The following MROH7 variants were observed in gnomAD, a reference collection of about 807,000 sequenced individuals.
MROH7 encodes the protein maestro heat-like repeat-containing protein family member 7.
MROH7 carries 113 observed loss-of-function variants against 129.2 expected under a neutral mutation model. The observed-to-expected ratio is 0.87, with a 90% confidence interval of 0.75 to 1.02. The LOEUF (loss-of-function observed/expected upper bound fraction) is 1.02, where lower values mean the gene tolerates loss of function less well. Among genes scored for constraint, MROH7 ranks in the 50% least tolerant of loss-of-function variants. The pLI is 0.00. For synonymous variants in MROH7, 655 were observed against 667.9 expected (o/e 0.98, Z 0.30); for missense variants, 1,601 against 1,671.3 (o/e 0.96, Z 0.73).
chr1:54,682,821 T>G lies in MROH7; in HGVS notation c.2520+27T>G, dbSNP rs1201922726. 5.6e-6 allele frequency: 9 copies of G among 1,603,000 alleles called. No individual in the cohort carries two copies. The African/African-American group carries it at 1.1e-4, about 19-fold the overall frequency. On this transcript the variant is annotated intron_variant, in intron 14 of 23. Coordinates refer to ENST00000421030, the MANE Select transcript of MROH7 (RefSeq NM_001039464.4). ...TGAGCACCCAGTCAGCCAGCCCCTA[T>G]TGCTGCCTGTCCTGCCCTTCCTCTC...
At chr1:54,674,420 A>G (rs1644950996) in intron 10 of MROH7, among the ~76,000 whole-genome samples, 1 of 152,180 alleles carries the variant, frequency 6.6e-6, no homozygotes, top group Non-Finnish European at 1.5e-5. Context: ...TCATTTTCAT[A>G]GTCCCTTAAT....
chr1:54,679,867 A>T lies in MROH7; in HGVS notation c.2227-24A>T, dbSNP rs918164402. 4 of 1,594,692 alleles carry T rather than the reference A, an allele frequency of 2.5e-6. No individual in the cohort carries two copies. In the African/African-American group the frequency reaches 4.0e-5, roughly 16 times the overall value. ...GCTTCCCTTGGCAGTCCCCTTGCTC[A>T]TGGCTGCCCCGGCTGTGCCCCAGAT... On this transcript the variant is annotated intron_variant, in intron 12 of 23. Coordinates refer to ENST00000421030, the MANE Select transcript of MROH7 (RefSeq NM_001039464.4).
chr1:54,654,407 C>T (rs1411200692), intron 3 of MROH7, among the ~76,000 whole-genome samples: 2 of 152,250 alleles, frequency 1.3e-5, no homozygotes, highest in Non-Finnish European at 1.5e-5. Flanking sequence ...CGCAGTGGCT[C>T]ACGCCTGTAA....
In MROH7 at chr1:54,653,168, C is replaced by A; in HGVS notation, c.242C>A (p.Pro81His). ...EASGLVSENT[P>H]RPDDSRAIAP... is the part of the protein sequence containing the mutation. ...TCAGGCCTGGTGTCTGAAAACACCC[C>A]CAGACCTGATGACAGCAGAGCTATC... The change falls in exon 3 of 24, where the codon CCC becomes CAC. Residue 81 changes from proline to histidine, a missense_variant. Coordinates refer to ENST00000421030, the MANE Select transcript of MROH7 (RefSeq NM_001039464.4). The A allele has an allele frequency of 6.2e-7, 1 of 1,614,186 alleles. No individual in the cohort carries two copies. Among genetic ancestry groups the A allele is most frequent in the Admixed American group, 1.7e-5 (1 of 60,018 alleles).
chr1:54,658,985 G>A lies in MROH7; in HGVS notation c.1231+4828G>A, dbSNP rs113554857. 1.4e-3 allele frequency: 430 copies of A among 301,996 alleles called. 6 individuals carry two copies. The highest frequency in any genetic ancestry group is 8.3e-3 in the African/African-American group (357 of 42,938). 18.7% of individuals were successfully genotyped at this position (301,996 alleles called of 1,614,324 possible). On this transcript the variant is annotated intron_variant, in intron 3 of 23. Transcript: ENST00000421030. ...GCTCTTGGTTGCTAATCACTGCCCC[G>A]GAGGTGACAATTCTGATTTGCATCA...
intron 14 of MROH7, 146 bp downstream of exon 14, chr1:54,682,940 G>C (rs553489746): frequency 1.2e-6 from 1 of 863,166 alleles, no homozygotes; most frequent in East Asian, 2.7e-5. Flanking sequence ...TCTGGCTCTG[G>C]CTCTTGTCTG....
At chr1:54,673,216 G>C in intron 8 of MROH7, 30 bp downstream of exon 8, 1 of 1,534,492 alleles carries the variant, frequency 6.5e-7, no homozygotes, top group African/African-American at 1.4e-5. Context: ...AAGGAAGGGA[G>C]GGGAGGAAGG....
rs188726805 is a variant in MROH7, at chr1:54,702,616, T to C, written c.3442-7T>C. 4.7e-5 allele frequency: 74 copies of C among 1,588,138 alleles called. No individual in the cohort carries two copies. The East Asian group carries it at 1.7e-3, about 36-fold the overall frequency. On this transcript the variant is annotated splice_polypyrimidine_tract_variant and splice_region_variant and intron_variant, in intron 20 of 23. Coordinates refer to ENST00000421030, the MANE Select transcript of MROH7 (RefSeq NM_001039464.4). ...AGTTCTGATATTTTCTTCCTATTGG[T>C]TCCCAGAAGTGTGTGAAGACCCTGT...
At position 54,702,734 on chromosome 1, in the gene MROH7, T is replaced by C. The variant is rs1645460995; in HGVS notation, c.3553T>C (p.Cys1185Arg). ...DNQQQTVAKI[C>R]KCLVNTHRDS... Reference sequence around the variant, plus strand: ...CCAACAGCAGACAGTGGCCAAAATTTGCAAGTGCCTTGTGAGTGCTCCCAG... The same window carrying C: ...CCAACAGCAGACAGTGGCCAAAATTCGCAAGTGCCTTGTGAGTGCTCCCAG... Residue 1185 changes from cysteine (C) to arginine (R), a missense_variant, in exon 21 of 24, where the codon TGC becomes CGC. Coordinates refer to ENST00000421030, the MANE Select transcript of MROH7 (RefSeq NM_001039464.4). The C allele has an allele frequency of 6.2e-7, 1 of 1,612,830 alleles. No individual in the cohort carries two copies. Among genetic ancestry groups the C allele is most frequent in the Non-Finnish European group, 8.5e-7 (1 of 1,179,436 alleles).
chr1:54,702,098 G>T lies in MROH7; in HGVS notation c.3294G>T (p.Glu1098Asp), dbSNP rs764067786. The change falls in exon 20 of 24, where the codon GAG (glutamate) becomes GAT (aspartate). Residue 1098 changes from glutamate (E) to aspartate (D), a missense_variant. Physicochemically the swap from Glu to Asp is conservative, Grantham distance 45. Transcript: ENST00000421030. ...ILLPHFSDAREVVRSSCINLY... is the reference protein window; with the variant it reads ...ILLPHFSDARDVVRSSCINLY... ...CCTTTGGTCTTCCCCAGGCACGAGA[G>T]GTCGTGCGCTCCTCCTGCATCAACC... 3 of 1,597,842 alleles carry T rather than the reference G, an allele frequency of 1.9e-6. No individual in the cohort carries two copies. Among genetic ancestry groups the T allele is most frequent in the Non-Finnish European group, 2.6e-6 (3 of 1,171,220 alleles).
chr1:54,667,788 C>T (rs1008209514), intron 4 of MROH7, among the ~76,000 whole-genome samples: 1 of 146,838 alleles, frequency 6.8e-6, no homozygotes, highest in African/African-American at 2.5e-5. Context: ...AAAAAAAAAT[C>T]AGCTGGGCAT....
chr1:54,694,387 A>G (rs1222350341), intron 16 of MROH7, among the ~76,000 whole-genome samples: 1 of 152,246 alleles, frequency 6.6e-6, no homozygotes, highest in Non-Finnish European at 1.5e-5. Flanking sequence ...TTGAGTGTGC[A>G]ACGGAATTAA....
At chr1:54,648,800 G>T (rs1003925037) in intron 1 of MROH7, among the ~76,000 whole-genome samples, 1 of 152,132 alleles carries the variant, frequency 6.6e-6, no homozygotes, top group African/African-American at 2.4e-5. Context: ...ACTGGAGTAG[G>T]GTCTGGTAGT....
intron 21 of MROH7, among the ~76,000 whole-genome samples, chr1:54,704,672 C>T (rs1038384728): frequency 6.6e-6 from 1 of 152,030 alleles, no homozygotes; most frequent in East Asian, 1.9e-4. Flanking sequence ...TCTCGAACTC[C>T]TGACCTCAGG....
intron 17 of MROH7, 37 bp from the exon 18 acceptor site, chr1:54,700,284 C>A (rs556407854): frequency 2.5e-6 from 4 of 1,613,576 alleles, no homozygotes; most frequent in African/African-American, 1.3e-5. Flanking sequence ...GCCCTGCCCC[C>A]CTCAGCCTGG....
intron 23 of MROH7, among the ~76,000 whole-genome samples, chr1:54,709,498 A>C (rs1003732129): frequency 3.3e-5 from 5 of 152,150 alleles, no homozygotes; most frequent in Non-Finnish European, 7.4e-5. Flanking sequence ...GATTACAGGC[A>C]TGAGCCACTG....
At position 54,697,470 on chromosome 1, in the gene MROH7, G is replaced by A. The variant is rs560554152; in HGVS notation, c.2964+1980G>A. ...CAGCAGAATGTGTCACCTCCAGGGA[G>A]AGCAAACCTGGCCTTGGGGTCGGGA... On this transcript the variant is annotated intron_variant, in intron 17 of 23. Coordinates refer to ENST00000421030, the MANE Select transcript of MROH7 (RefSeq NM_001039464.4). 1.3e-5 allele frequency: 7 copies of A among 523,156 alleles called. No homozygotes were observed. The South Asian group carries it at 1.5e-4, about 11-fold the overall frequency. The allele number at this position is 523,156 out of a possible 1,614,324, so 32.4% of individuals were successfully genotyped here.
At chr1:54,679,099 C>T (rs1026031591) in intron 11 of MROH7, among the ~76,000 whole-genome samples, 164 bp from the exon 12 acceptor site, 1 of 152,224 alleles carries the variant, frequency 6.6e-6, no homozygotes, top group Non-Finnish European at 1.5e-5. Context: ...TGTAGCTCCT[C>T]CCCTAAAGGT....
chr1:54,649,593 A>G (rs1644524713), intron 1 of MROH7, among the ~76,000 whole-genome samples: 1 of 152,260 alleles, frequency 6.6e-6, no homozygotes. Flanking sequence ...GTGACCTGGT[A>G]TGGTGCATCT....
Sources: gnomAD v4.1 joint callset for allele counts (sites outside exome capture counted in the v4.1 genomes callset) on GRCh38, gnomAD v4.1.1 for gene constraint, MANE v1.5 for transcripts, NCBI Gene and HGNC (gene_info 2026-07-23, HGNC 2026-07-21) for gene names.